DPP10: variants seen among roughly 807,000 people sequenced by gnomAD.
The protein encoded by DPP10 is dipeptidyl peptidase like 10, also known as inactive dipeptidyl peptidase 10.
A neutral mutation model predicts 120.9 loss-of-function variants in DPP10; 33 were observed. The observed-to-expected ratio is 0.27, with a 90% CI of 0.21 to 0.37. The LOEUF (loss-of-function observed/expected upper bound fraction) is 0.37, where lower values mean the gene tolerates loss of function less well. DPP10 is among the 10% of genes least tolerant of loss of function. DPP10 has a pLI of 1.00. For missense variants in DPP10, 816 were observed against 942.8 expected (o/e 0.87, Z 1.76); for synonymous variants, 337 against 326.1 (o/e 1.03, Z -0.36).
chr2:115,062,741 T>C (rs1706520620), intron 1 of DPP10, among the ~76,000 whole-genome samples: 1 of 152,240 alleles, frequency 6.6e-6, no homozygotes, highest in African/African-American at 2.4e-5. Flanking sequence ...TATGGCTGCA[T>C]AGTATTCCAT....
chr2:115,021,717 ACTT>A (rs913667896), intron 1 of DPP10, among the ~76,000 whole-genome samples: 1 of 152,082 alleles, frequency 6.6e-6, no homozygotes, highest in African/African-American at 2.4e-5. Context: ...AAAAAAGAAA[ACTT>A]CAGACCAATA....
intron 1 of DPP10, among the ~76,000 whole-genome samples, chr2:115,271,871 A>G (rs1242811540): frequency 6.6e-6 from 1 of 152,192 alleles, no homozygotes; most frequent in East Asian, 1.9e-4. Flanking sequence ...TGAAATTGGC[A>G]CCATCTAAAA....
chr2:115,147,322 A>G (rs2051282688), intron 1 of DPP10, among the ~76,000 whole-genome samples: 1 of 152,052 alleles, frequency 6.6e-6, no homozygotes, highest in African/African-American at 2.4e-5. Context: ...TAAAATAAAC[A>G]GACATGTTTT....
At chr2:115,193,687 C>T (rs976735763) in intron 1 of DPP10, among the ~76,000 whole-genome samples, 2 of 152,186 alleles carry the variant, frequency 1.3e-5, no homozygotes, top group Non-Finnish European at 2.9e-5. Context: ...CTTCCTGGTT[C>T]TCTAAGTACT....
intron 1 of DPP10, among the ~76,000 whole-genome samples, chr2:114,850,004 C>CCCT (rs1688827929): frequency 6.7e-6 from 1 of 148,810 alleles, no homozygotes; most frequent in Non-Finnish European, 1.5e-5. Flanking sequence ...ATCCCCTCCC[C>CCCT]TCCCTTCCCT....
At chr2:115,540,607 A>G (rs769676388) in intron 5 of DPP10, among the ~76,000 whole-genome samples, 2 of 152,022 alleles carry the variant, frequency 1.3e-5, no homozygotes, top group Non-Finnish European at 2.9e-5. Flanking sequence ...TAAATAATCT[A>G]AGTTATTCGT....
intron 5 of DPP10, among the ~76,000 whole-genome samples, chr2:115,531,357 C>G (rs1389794902): frequency 6.6e-6 from 1 of 152,020 alleles, no homozygotes; most frequent in East Asian, 1.9e-4. Flanking sequence ...GGACCTGATT[C>G]CTTAAACTGC....
intron 1 of DPP10, among the ~76,000 whole-genome samples, chr2:114,527,395 T>C (rs774504737): frequency 1.3e-5 from 2 of 152,200 alleles, no homozygotes; most frequent in Non-Finnish European, 2.9e-5. Flanking sequence ...AATGGGACTA[T>C]TCCGTAATGT....
chr2:115,627,210 C>A (rs1395552462), intron 5 of DPP10, among the ~76,000 whole-genome samples: 1 of 152,106 alleles, frequency 6.6e-6, no homozygotes, highest in Non-Finnish European at 1.5e-5. Flanking sequence ...TTTATTAGCC[C>A]TTCTTCACCC....
chr2:115,752,044 C>T (rs948705671), intron 10 of DPP10, among the ~76,000 whole-genome samples: 6 of 152,184 alleles, frequency 3.9e-5, no homozygotes, highest in Admixed American at 6.5e-5. Context: ...GTGATCCACA[C>T]GCCTTGGCCT....
intron 1 of DPP10, among the ~76,000 whole-genome samples, chr2:114,869,026 A>G (rs1477114682): frequency 2.0e-5 from 3 of 152,206 alleles, no homozygotes; most frequent in Non-Finnish European, 4.4e-5. Context: ...TGTACTGCAG[A>G]CAGCACTCAG....
chr2:115,002,213 A>G (rs1701489899), intron 1 of DPP10, among the ~76,000 whole-genome samples: 2 of 152,068 alleles, frequency 1.3e-5, no homozygotes, highest in South Asian at 4.2e-4. Context: ...CAATGCAACA[A>G]AACAGATCAC....
At chr2:114,467,505 T>C (rs1487935813) in intron 1 of DPP10, among the ~76,000 whole-genome samples, 1 of 152,176 alleles carries the variant, frequency 6.6e-6, no homozygotes, top group East Asian at 1.9e-4. Flanking sequence ...GAGATCAGAG[T>C]TGGTTCATAT....
At chr2:114,600,085 A>G (rs1216490892) in intron 1 of DPP10, among the ~76,000 whole-genome samples, 1 of 151,424 alleles carries the variant, frequency 6.6e-6, no homozygotes, top group Non-Finnish European at 1.5e-5. Flanking sequence ...TCAGATTTGG[A>G]AAGTTTTAAG....
At chr2:115,397,683 C>A (rs1404172407) in intron 3 of DPP10, among the ~76,000 whole-genome samples, 1 of 152,206 alleles carries the variant, frequency 6.6e-6, no homozygotes, top group East Asian at 1.9e-4. Context: ...TCATCTTCAG[C>A]TTCCACTTTA....
At chr2:115,053,027 TG>T (rs1336444375) in intron 1 of DPP10, among the ~76,000 whole-genome samples, 1 of 151,890 alleles carries the variant, frequency 6.6e-6, no homozygotes, top group Non-Finnish European at 1.5e-5. Flanking sequence ...CCATCATTAT[TG>T]GGAGTATAAA....
chr2:115,149,966 A>T (rs2051443796), intron 1 of DPP10, among the ~76,000 whole-genome samples: 1 of 152,188 alleles, frequency 6.6e-6, no homozygotes, highest in South Asian at 2.1e-4. Flanking sequence ...TGGATGTGCA[A>T]GAGAGTTATT....
chr2:114,815,432 A>T (rs2106337505), intron 1 of DPP10, among the ~76,000 whole-genome samples: 1 of 152,276 alleles, frequency 6.6e-6, no homozygotes, highest in East Asian at 1.9e-4. Flanking sequence ...TCAAACTGAA[A>T]CTTTCCAGAA....
chr2:115,805,056 C>T (rs1685756994), intron 19 of DPP10, among the ~76,000 whole-genome samples: 3 of 152,220 alleles, frequency 2.0e-5, no homozygotes, highest in Admixed American at 2.0e-4. Flanking sequence ...AGGCAGGCCT[C>T]CTTGAGCTGT....
Sources: gnomAD v4.1 joint callset for allele counts (sites outside exome capture counted in the v4.1 genomes callset) on GRCh38, gnomAD v4.1.1 for gene constraint, MANE v1.5 for transcripts, NCBI Gene and HGNC (gene_info 2026-07-23, HGNC 2026-07-21) for gene names.